Variants in TMEM135 observed in about 807,000 individuals in gnomAD.
TMEM135 encodes the protein peroxisomal membrane protein 52.
In TMEM135, 30 loss-of-function variants were observed where a neutral mutation model predicts 60.3. The ratio of observed to expected loss-of-function variants is 0.50; its 90% CI spans 0.37 to 0.68. TMEM135 has a LOEUF of 0.68. TMEM135 is among the 30% of genes least tolerant of loss of function. The pLI, the probability that TMEM135 is intolerant of heterozygous loss-of-function variation, is 0.00. For synonymous variants in TMEM135, 190 were observed against 186.7 expected (o/e 1.02, Z -0.14); for missense variants, 468 against 548.8 (o/e 0.85, Z 1.47).
chr11:87,156,232 T>C (rs1460112350), intron 4 of TMEM135, among the ~76,000 whole-genome samples: 2 of 152,226 alleles, frequency 1.3e-5, no homozygotes, highest in South Asian at 2.1e-4. Flanking sequence ...TGTCCATCTT[T>C]ATGATAGTAC....
chr11:87,267,462 T>A (rs1043507405), intron 6 of TMEM135, among the ~76,000 whole-genome samples: 3 of 152,160 alleles, frequency 2.0e-5, no homozygotes, highest in Non-Finnish European at 2.9e-5. Flanking sequence ...GGCTTTATTA[T>A]ATAGCAAAAG....
At chr11:87,044,639 T>G (rs61906194) in intron 1 of TMEM135, among the ~76,000 whole-genome samples, 1 of 151,992 alleles carries the variant, frequency 6.6e-6, no homozygotes, top group Non-Finnish European at 1.5e-5. Context: ...TCTTTGGAGA[T>G]ATAAGTCATA....
chr11:87,043,118 G>A (rs901717180), intron 1 of TMEM135, among the ~76,000 whole-genome samples: 1 of 151,528 alleles, frequency 6.6e-6, no homozygotes, highest in African/African-American at 2.4e-5. Context: ...ACCACGCCCG[G>A]CTAATTTTGT....
In TMEM135 at chr11:87,328,824, C is replaced by T. The variant is rs926048906; in HGVS notation, c.*7491C>T. The T allele has an allele frequency of 2.2e-6, 1 of 454,022 alleles. No homozygotes were observed. The highest frequency in any genetic ancestry group is 1.6e-5 in the South Asian group (1 of 64,470). 28.1% of individuals were successfully genotyped at this position (454,022 alleles called of 1,614,324 possible). A position where few individuals can be genotyped will look rare whatever the true frequency, so the allele number is the denominator to read the frequency against. Reference sequence around the variant, plus strand: ...ACAATAAAAATATATATACGAGTGTCTTTTATGGTAGATCTCCTTTTAGTT... The same window carrying T: ...ACAATAAAAATATATATACGAGTGTTTTTTATGGTAGATCTCCTTTTAGTT... On this transcript the variant is annotated 3_prime_UTR_variant, in exon 15 of 15. Coordinates refer to ENST00000305494, the MANE Select transcript of TMEM135 (RefSeq NM_022918.4).
chr11:87,291,412 C>T (rs1378893459), intron 6 of TMEM135, among the ~76,000 whole-genome samples: 1 of 151,960 alleles, frequency 6.6e-6, no homozygotes, highest in Non-Finnish European at 1.5e-5. Context: ...TTCTCTCCAC[C>T]TTCTACAACT....
At chr11:87,118,448 CT>C (rs373753415) in intron 4 of TMEM135, among the ~76,000 whole-genome samples, 52 of 146,850 alleles carry the variant, frequency 3.5e-4, no homozygotes, top group Middle Eastern at 3.6e-3. Context: ...CTTCCTGTAG[CT>C]TTTTTTTTTT....
intron 2 of TMEM135, 106 bp downstream of exon 2, chr11:87,067,927 CTT>C: frequency 7.2e-7 from 1 of 1,394,976 alleles, no homozygotes; most frequent in Non-Finnish European, 1.0e-6. Context: ...CCCGCCCCCC[CTT>C]TTTTTAATCT....
Position 87,091,303 on chromosome 11 carries a change from A to G in TMEM135, c.363-59A>G, listed in dbSNP as rs79956648. 2.3e-3 allele frequency: 3,311 copies of G among 1,424,832 alleles called. 77 individuals carry two copies. The African/African-American group carries it at 0.042, about 18-fold the overall frequency. 88.3% of individuals were successfully genotyped at this position (1,424,832 alleles called of 1,614,324 possible). On this transcript the variant is annotated intron_variant, in intron 3 of 14. Coordinates refer to ENST00000305494, the MANE Select transcript of TMEM135 (RefSeq NM_022918.4). ...TCTTTTTATAGACTTCTAATAAATGATAAAGTGATTACTAAGTCAAATTGA... is the reference window on the plus strand; with the variant it reads ...TCTTTTTATAGACTTCTAATAAATGGTAAAGTGATTACTAAGTCAAATTGA...
At chr11:87,045,085 G>A (rs1178829087) in intron 1 of TMEM135, among the ~76,000 whole-genome samples, 3 of 151,606 alleles carry the variant, frequency 2.0e-5, no homozygotes, top group Admixed American at 6.6e-5. Flanking sequence ...GCTGGAGTGC[G>A]GTGGCGCGAT....
intron 6 of TMEM135, among the ~76,000 whole-genome samples, chr11:87,278,398 A>T (rs1264472137): frequency 1.4e-5 from 2 of 144,662 alleles, no homozygotes; most frequent in Admixed American, 6.9e-5. Context: ...TTTTTTTGAG[A>T]CAGAGTCTCA....
At chr11:87,274,528 T>C (rs967789651) in intron 6 of TMEM135, among the ~76,000 whole-genome samples, 1 of 152,236 alleles carries the variant, frequency 6.6e-6, no homozygotes, top group African/African-American at 2.4e-5. Context: ...AAATATCTTC[T>C]TGTGCTTTAG....
At chr11:87,143,888 G>A (rs1236100680) in intron 4 of TMEM135, among the ~76,000 whole-genome samples, 1 of 152,096 alleles carries the variant, frequency 6.6e-6, no homozygotes, top group Non-Finnish European at 1.5e-5. Context: ...CGCACCCCTT[G>A]GCAAGAAAGG....
intron 5 of TMEM135, among the ~76,000 whole-genome samples, chr11:87,190,717 A>G (rs535309634): frequency 1.3e-5 from 2 of 152,320 alleles, no homozygotes; most frequent in South Asian, 2.1e-4. Flanking sequence ...GAAAGACAGC[A>G]GCAGATATTT....
At chr11:87,060,727 C>T (rs1187736594) in intron 1 of TMEM135, among the ~76,000 whole-genome samples, 1 of 151,510 alleles carries the variant, frequency 6.6e-6, no homozygotes, top group Non-Finnish European at 1.5e-5. Flanking sequence ...ACTGCAAACT[C>T]TGCCTTCCGG....
chr11:87,163,328 A>G (rs1183339010), intron 5 of TMEM135, among the ~76,000 whole-genome samples: 8 of 144,010 alleles, frequency 5.6e-5, no homozygotes, highest in Non-Finnish European at 7.6e-5. Flanking sequence ...GAGAATGATG[A>G]TTTCCAATTT....
intron 6 of TMEM135, among the ~76,000 whole-genome samples, chr11:87,271,779 C>CA (rs1047031787): frequency 2.0e-5 from 3 of 151,240 alleles, no homozygotes; most frequent in African/African-American, 2.4e-5. Context: ...ATAAAAAATA[C>CA]AAAAAAAATA....
At chr11:87,219,671 G>C (rs1249602249) in intron 5 of TMEM135, among the ~76,000 whole-genome samples, 1 of 152,130 alleles carries the variant, frequency 6.6e-6, no homozygotes, top group Non-Finnish European at 1.5e-5. Context: ...AAATACAGGT[G>C]CATTGGGGAT....
chr11:87,168,905 A>C (rs1939145983), intron 5 of TMEM135, among the ~76,000 whole-genome samples: 4 of 151,944 alleles, frequency 2.6e-5, no homozygotes, highest in African/African-American at 9.7e-5. Flanking sequence ...TGAGGTGTTA[A>C]ACTCTCCCAC....
intron 6 of TMEM135, among the ~76,000 whole-genome samples, chr11:87,239,841 TA>T (rs148212407): frequency 0.036 from 5,527 of 152,162 alleles, 136 homozygotes; most frequent in Non-Finnish European, 0.049. Context: ...ACTATGAATT[TA>T]CTTAAAAGCA....
Sources: allele counts gnomAD v4.1 joint callset (sites outside exome capture counted in the v4.1 genomes callset), GRCh38; gene constraint gnomAD v4.1.1; transcripts MANE v1.5; gene names NCBI Gene and HGNC (gene_info 2026-07-23, HGNC 2026-07-21).